Variants in SMDT1 observed in about 807,000 individuals in gnomAD.
SMDT1 encodes the protein single-pass membrane protein with aspartate rich tail 1, also known as essential MCU regulator, mitochondrial.
A neutral mutation model predicts 5.9 loss-of-function variants in SMDT1; 6 were observed. The observed-to-expected ratio is 1.03, with a 90% CI of 0.56 to 2.02. The LOEUF is 2.02. Ranked by LOEUF, SMDT1 falls within the 30% of genes most tolerant of loss-of-function variation. SMDT1 has a pLI of 0.00. For synonymous variants in SMDT1, 81 were observed against 62.4 expected (o/e 1.30, Z -1.40); for missense variants, 159 against 145.6 (o/e 1.09, Z -0.47).
chr22:42,081,259 G>A (rs1328955932), intron 1 of SMDT1, among the ~76,000 whole-genome samples: 1 of 151,542 alleles, frequency 6.6e-6, no homozygotes, highest in Non-Finnish European at 1.5e-5. Flanking sequence ...TCCGCCTCCC[G>A]GGTTCAAGTG....
chr22:42,082,326 C>T (rs1266033089), intron 2 of SMDT1: 7 of 400,108 alleles, frequency 1.7e-5, no homozygotes, highest in Admixed American at 1.2e-4. Flanking sequence ...CTCAGCCTAC[C>T]GGGTAGCTGG....
rs374562862 is a variant in SMDT1, at chr22:42,079,850, G to C, written c.82G>C (p.Asp28His). 1 of 1,614,026 alleles carries C rather than the reference G, an allele frequency of 6.2e-7. No individual in the cohort carries two copies. Among genetic ancestry groups the C allele is most frequent in the Non-Finnish European group, 8.5e-7 (1 of 1,180,032 alleles). The change falls in exon 1 of 3, where the codon GAT (aspartate) becomes CAT (histidine). Residue 28 changes from aspartate to histidine, a missense_variant. Transcript: ENST00000331479. ...ALRSGPSLRK[D>H]GDVSAAWSGS... ...CCGGAGCGGGCCTAGCTTGAGGAAA[G>C]ATGGCGATGTCTCCGCCGCATGGAG... is the stretch of plus-strand genomic sequence containing the variant.
intron 1 of SMDT1, among the ~76,000 whole-genome samples, chr22:42,080,201 G>C (rs572088523): frequency 7.9e-5 from 12 of 152,248 alleles, no homozygotes; most frequent in South Asian, 6.2e-4. Context: ...TGAGAGGTGC[G>C]GTGCTCTGCT....
rs1264737053 is a variant in SMDT1 at position 42,083,582 on chromosome 22, A to G, written c.*467A>G. 2.0e-5 allele frequency: 3 copies of G among 152,176 alleles called. No homozygotes were observed. Among genetic ancestry groups the G allele is most frequent in the African/African-American group, 7.2e-5 (3 of 41,438 alleles). 9.4% of individuals were successfully genotyped at this position (152,176 alleles called of 1,614,324 possible). On this transcript the variant is annotated 3_prime_UTR_variant, in exon 3 of 3. Coordinates refer to ENST00000331479, the MANE Select transcript of SMDT1 (RefSeq NM_033318.5). ...TAAGAAAGCTTCATGGGCTAACTAA[A>G]GCCTCATGCCATTCTGTGTTCAGTG... is the stretch of plus-strand genomic sequence containing the variant.
chr22:42,080,299 G>T lies in SMDT1; in HGVS notation c.186+345G>T, dbSNP rs1927678712. On this transcript the variant is annotated intron_variant, in intron 1 of 2. Transcript: ENST00000331479. Reference sequence around the variant, plus strand: ...CTGCCTGTCTCCTAGTTTATGGGATGAAATATGAATTTTGAAAGGACTCTG... The same window carrying T: ...CTGCCTGTCTCCTAGTTTATGGGATTAAATATGAATTTTGAAAGGACTCTG... 3.3e-5 allele frequency among the ~76,000 whole-genome samples: 5 copies of T among 152,318 alleles called. No homozygotes were observed. The South Asian group carries it at 1.0e-3, about 32-fold the overall frequency.
intron 1 of SMDT1, 116 bp downstream of exon 1, chr22:42,080,070 G>A: frequency 8.4e-7 from 1 of 1,186,650 alleles, no homozygotes; most frequent in Non-Finnish European, 1.2e-6. Context: ...ACCGTAGACT[G>A]GAAGGCGGAC....
intron 1 of SMDT1, 23 bp downstream of exon 1, chr22:42,079,977 G>C (rs767405370): frequency 6.3e-7 from 1 of 1,598,844 alleles, no homozygotes; most frequent in Non-Finnish European, 8.5e-7. Context: ...CTGGAGACGG[G>C]GCGAAGGGGC....
intron 1 of SMDT1, 109 bp downstream of exon 1, chr22:42,080,063 G>A: frequency 4.8e-6 from 6 of 1,241,814 alleles, no homozygotes; most frequent in African/African-American, 1.5e-5. Flanking sequence ...AACGATTACC[G>A]TAGACTGGAA....
At position 42,083,852 on chromosome 22, in the gene SMDT1, C is replaced by G. The variant is rs1443170502; in HGVS notation, c.*737C>G. Reference sequence around the variant, plus strand: ...TGCTGCTTTTTCTCCCCAAGGCAGGCCATAGAAACTAAAAGTATAATCTTC... The same window carrying G: ...TGCTGCTTTTTCTCCCCAAGGCAGGGCATAGAAACTAAAAGTATAATCTTC... On this transcript the variant is annotated 3_prime_UTR_variant, in exon 3 of 3. Transcript: ENST00000331479. The G allele has an allele frequency of 6.6e-6, 1 of 152,142 alleles. No individual in the cohort carries two copies. The highest frequency in any genetic ancestry group is 2.4e-5 in the African/African-American group (1 of 41,418). 9.4% of individuals were successfully genotyped at this position (152,142 alleles called of 1,614,324 possible). A position where few individuals can be genotyped will look rare whatever the true frequency, so the allele number is the denominator to read the frequency against.
At position 42,079,737 on chromosome 22, in the gene SMDT1, C is replaced by T. The variant is rs929680413; in HGVS notation, c.-32C>T. On this transcript the variant is annotated 5_prime_UTR_variant, in exon 1 of 3. Transcript: ENST00000331479. ...GGCACGAGGGCTGGGCGGTGGGGTG[C>T]GGGTGCCCGGGTGAGGGGCGGAGCT... The T allele has an allele frequency of 1.3e-5, 21 of 1,581,908 alleles. No individual in the cohort carries two copies. Among genetic ancestry groups the T allele is most frequent in the Non-Finnish European group, 1.6e-5 (19 of 1,168,362 alleles).
Position 42,081,962 on chromosome 22 carries a change from T to C in SMDT1, c.224T>C (p.Ile75Thr). Residue 75 changes from isoleucine (I) to threonine (T), a missense_variant, in exon 2 of 3, where the codon ATC becomes ACC. Transcript: ENST00000331479. The part of the protein sequence containing the change: ...FGLLRVFSIV[I>T]PFLYVGTLIS... Reference sequence around the variant, plus strand: ...CTTCTCCGTGTGTTCTCCATTGTGATCCCCTTTCTCTATGTCGGGACACTC... The same window carrying C: ...CTTCTCCGTGTGTTCTCCATTGTGACCCCCTTTCTCTATGTCGGGACACTC... 1 of 1,614,114 alleles carries C rather than the reference T, an allele frequency of 6.2e-7. No homozygotes were observed. The highest frequency in any genetic ancestry group is 8.5e-7 in the Non-Finnish European group (1 of 1,180,034).
chr22:42,081,934 GGCCTTCTCCGT>G lies in SMDT1; in HGVS notation c.198_208del (p.Leu67ValfsTer15). 1 of 1,613,936 alleles carries G rather than the reference GGCCTTCTCCGT, an allele frequency of 6.2e-7. No individual in the cohort carries two copies. The highest frequency in any genetic ancestry group is 8.5e-7 in the Non-Finnish European group (1 of 1,180,010). The stretch of plus-strand genomic sequence containing the variant: ...CTCTGACCCTCTGCAGATGTCCTTC[GGCCTTCTCCGT>G]GTGTTCTCCATTGTGATCCCCTTTC... On this transcript the variant is annotated frameshift_variant, in exon 2 of 3. Transcript: ENST00000331479. LOFTEE classifies it high-confidence loss of function.
At chr22:42,081,850 TGAGAGGGCCAG>T in intron 1 of SMDT1, 64 bp from the exon 2 acceptor site, 3 of 1,578,390 alleles carry the variant, frequency 1.9e-6, no homozygotes, top group Non-Finnish European at 2.6e-6. Flanking sequence ...GGTATGTCTG[TGAGAGGGCCAG>T]GTCTTCTTTG....
In SMDT1 at chr22:42,082,090, G is replaced by A. The variant is rs758458514; in HGVS notation, c.*3+25G>A. 2.5e-6 allele frequency: 4 copies of A among 1,605,422 alleles called. No homozygotes were observed. In the South Asian group the frequency reaches 4.4e-5, roughly 18 times the overall value. The stretch of plus-strand genomic sequence containing the variant: ...GGTAAGACTTGCTTTACCCTAGATG[G>A]AGCAGGAAGCAGGGTGGAGCATCTG... On this transcript the variant is annotated intron_variant, in intron 2 of 2. Coordinates refer to ENST00000331479, the MANE Select transcript of SMDT1 (RefSeq NM_033318.5).
At chr22:42,082,722 A>G (rs756076792) in intron 2 of SMDT1, among the ~76,000 whole-genome samples, 33 of 152,102 alleles carry the variant, frequency 2.2e-4, no homozygotes, top group Admixed American at 3.9e-4. Flanking sequence ...TTCCTCCCAC[A>G]TGGAAGGCTC....
Position 42,079,859 on chromosome 22 carries a change from G to A in SMDT1, c.91G>A (p.Val31Ile), listed in dbSNP as rs773588630. The A allele has an allele frequency of 1.2e-6, 2 of 1,614,196 alleles. No homozygotes were observed. The highest frequency in any genetic ancestry group is 1.7e-5 in the Admixed American group (1 of 60,028). ...GCCTAGCTTGAGGAAAGATGGCGAT[G>A]TCTCCGCCGCATGGAGCGGCTCAGG... The part of the protein sequence containing the change: ...SGPSLRKDGD[V>I]SAAWSGSGRS... The change falls in exon 1 of 3, where the codon GTC (valine) becomes ATC (isoleucine). Residue 31 changes from valine to isoleucine, a missense_variant. By Grantham distance (29) the Val-to-Ile change is conservative. Transcript: ENST00000331479.
intron 1 of SMDT1, among the ~76,000 whole-genome samples, chr22:42,081,373 G>T (rs943303437): frequency 2.6e-5 from 4 of 152,070 alleles, no homozygotes; most frequent in African/African-American, 9.7e-5. Flanking sequence ...CACTATGTTA[G>T]CCAGGCTGAT....
chr22:42,083,941 CAT>C lies in SMDT1; in HGVS notation c.*827_*828del, dbSNP rs1179004283. 6.6e-6 allele frequency: 1 copy of C among 152,208 alleles called. No homozygotes were observed. Among genetic ancestry groups the C allele is most frequent in the Non-Finnish European group, 1.5e-5 (1 of 68,038 alleles). The allele number at this position is 152,208 out of a possible 1,614,324, so 9.4% of individuals were successfully genotyped here. ...TGACCTACCTTGTCTGATTTTAGGT[CAT>C]GAGACCCCCATTTCAGAAGGGATTC... On this transcript the variant is annotated 3_prime_UTR_variant, in exon 3 of 3. Transcript: ENST00000331479.
chr22:42,084,059 C>T lies in SMDT1; in HGVS notation c.*944C>T, dbSNP rs1421104401. ...AGATTATGCCTCTTTTGTCCAATCCCATTTCTCCAGTGTTGTCCATGCTTC... is the reference window on the plus strand; with the variant it reads ...AGATTATGCCTCTTTTGTCCAATCCTATTTCTCCAGTGTTGTCCATGCTTC... On this transcript the variant is annotated 3_prime_UTR_variant, in exon 3 of 3. Transcript: ENST00000331479. 1 of 152,236 alleles carries T rather than the reference C, an allele frequency of 6.6e-6. No individual in the cohort carries two copies. Among genetic ancestry groups the T allele is most frequent in the Non-Finnish European group, 1.5e-5 (1 of 68,072 alleles). The allele number at this position is 152,236 out of a possible 1,614,324, so 9.4% of individuals were successfully genotyped here. A position where few individuals can be genotyped will look rare whatever the true frequency, so the allele number is the denominator to read the frequency against.
Sources: allele counts gnomAD v4.1 joint callset (sites outside exome capture counted in the v4.1 genomes callset), GRCh38; gene constraint gnomAD v4.1.1; transcripts MANE v1.5; gene names NCBI Gene and HGNC (gene_info 2026-07-23, HGNC 2026-07-21).